Variants in SEPTIN3 observed in about 807,000 individuals in gnomAD.
The protein encoded by SEPTIN3 is neuronal-specific septin-3.
SEPTIN3 carries 15 observed loss-of-function variants against 45.1 expected under a neutral mutation model. That is an observed-to-expected ratio of 0.33 (90% CI 0.22 to 0.51). SEPTIN3 has a LOEUF of 0.51. SEPTIN3 is among the 20% of genes least tolerant of loss of function. The pLI, the probability that SEPTIN3 is intolerant of heterozygous loss-of-function variation, is 0.97. For missense variants in SEPTIN3, 289 were observed against 457.2 expected (o/e 0.63, Z 3.35); for synonymous variants, 148 against 164.8 (o/e 0.90, Z 0.78).
At chr22:41,982,683 G>A (rs1041226925) in intron 3 of SEPTIN3, among the ~76,000 whole-genome samples, 4 of 152,134 alleles carry the variant, frequency 2.6e-5, no homozygotes, top group African/African-American at 7.2e-5. Context: ...GAGGACAGGA[G>A]TTTGAGACTA....
At chr22:41,981,614 C>T (rs767738131) in intron 2 of SEPTIN3, 31 bp from the exon 3 acceptor site, 37 of 1,580,576 alleles carry the variant, frequency 2.3e-5, no homozygotes, top group Middle Eastern at 4.0e-4. Flanking sequence ...TCCTGATCAC[C>T]CCTCCGACCC....
Position 41,995,990 on chromosome 22 carries a change from C to T in SEPTIN3, c.2506-912C>T, listed in dbSNP as rs187070399. ...TTTTTGACCACACCTCCGTTTTCTC[C>T]GTCAGACTTCTCTCCCTTCTAAGCA... On this transcript the variant is annotated intron_variant, in intron 11 of 11. Transcript: ENST00000644076. The T allele has an allele frequency of 1.0e-3, 1,005 of 985,142 alleles. 6 individuals are homozygous for T. In the Middle Eastern group the frequency reaches 0.017, roughly 17 times the overall value. The allele number at this position is 985,142 out of a possible 1,614,324, so 61.0% of individuals were successfully genotyped here.
chr22:41,973,101 A>C, intron 2 of SEPTIN3, 105 bp downstream of exon 2: 1 of 397,412 alleles, frequency 2.5e-6, no homozygotes, highest in Non-Finnish European at 4.4e-6. Context: ...CGGAGGAAGG[A>C]CTCTAAGGTC....
At position 41,972,625 on chromosome 22, in the gene SEPTIN3, G is replaced by A. The variant is rs1033900497; in HGVS notation, c.1133G>A (p.Gly378Asp). The change falls in exon 2 of 12, where the codon GGT becomes GAT. Residue 378 changes from glycine to aspartate, a missense_variant. This residue lies in a region of SEPTIN3 where 200 missense variants were observed against 315.1 expected (regional missense o/e 0.63). Transcript: ENST00000644076. ...STAKPDMTTEGIAMDSATSDP... is the reference protein window; with the variant it reads ...STAKPDMTTEDIAMDSATSDP... The stretch of plus-strand genomic sequence containing the variant: ...GCCAAACCAGATATGACCACAGAGG[G>A]TATAGCCATGGATTCAGCAACATCA... 5.0e-6 allele frequency: 2 copies of A among 399,018 alleles called. No homozygotes were observed. The highest frequency in any genetic ancestry group is 3.6e-5 in the East Asian group (1 of 28,090). 24.7% of individuals were successfully genotyped at this position (399,018 alleles called of 1,614,324 possible).
chr22:41,995,669 C>T, intron 11 of SEPTIN3: 4 of 985,386 alleles, frequency 4.1e-6, no homozygotes, highest in Non-Finnish European at 4.8e-6. Flanking sequence ...CATAAAATCA[C>T]AAAACTACAG....
At chr22:41,996,326 G>A in intron 11 of SEPTIN3, 1 of 985,402 alleles carries the variant, frequency 1.0e-6, no homozygotes, top group Non-Finnish European at 1.2e-6. Flanking sequence ...TTTAGCCTTA[G>A]GGAAGGGAAA....
intron 2 of SEPTIN3, among the ~76,000 whole-genome samples, chr22:41,977,790 G>A (rs2146677095): frequency 6.6e-6 from 1 of 152,272 alleles, no homozygotes; most frequent in Non-Finnish European, 1.5e-5. Flanking sequence ...GGGGTCCCTG[G>A]GCCAGACAAA....
At chr22:41,991,754 C>G (rs1237340446) in intron 8 of SEPTIN3, 86 bp downstream of exon 8, 1 of 963,288 alleles carries the variant, frequency 1.0e-6, no homozygotes, top group Non-Finnish European at 1.7e-6. Flanking sequence ...TCTGTCTTTT[C>G]CCTTTCTGTA....
At position 41,997,202 on chromosome 22, in the gene SEPTIN3, G is replaced by C; in HGVS notation, c.*235G>C. 3 of 707,038 alleles carry C rather than the reference G, an allele frequency of 4.2e-6. No individual in the cohort carries two copies. The highest frequency in any genetic ancestry group is 6.7e-6 in the Non-Finnish European group (3 of 446,450). 43.8% of individuals were successfully genotyped at this position (707,038 alleles called of 1,614,324 possible). ...AGTACAGCCCTACTGCATCATCTGC[G>C]TCAGCCGGTCCTAGCCCATCTGCAG... On this transcript the variant is annotated 3_prime_UTR_variant, in exon 12 of 12. Transcript: ENST00000644076.
chr22:41,991,714 C>A, intron 8 of SEPTIN3, 46 bp downstream of exon 8: 2 of 1,246,470 alleles, frequency 1.6e-6, no homozygotes, highest in Non-Finnish European at 2.4e-6. Context: ...CCCTTGCGAC[C>A]TCTGGGATGT....
chr22:41,971,507 T>G lies in SEPTIN3; in HGVS notation c.15T>G (p.Phe5Leu), dbSNP rs1337637757. 2.5e-6 allele frequency: 1 copy of G among 399,086 alleles called. No individual in the cohort carries two copies. Among genetic ancestry groups the G allele is most frequent in the Admixed American group, 4.4e-5 (1 of 22,720 alleles). The allele number at this position is 399,086 out of a possible 1,614,324, so 24.7% of individuals were successfully genotyped here. ...AAACGACCTGGATGGACCACAACTT[T>G]GCTCCTGCTCCTCCAGAGATGCAGT... MDHN[F>L]APAPPEMQSH... is the part of the protein sequence containing the mutation. The change falls in exon 2 of 12, where the codon TTT becomes TTG. Residue 5 changes from phenylalanine to leucine, a missense_variant. By Grantham distance (22) the Phe-to-Leu change is conservative. Around this residue, in one of 3 missense-constraint regions of SEPTIN3, gnomAD observed 200 missense variants for 315.1 expected, o/e 0.63. Transcript: ENST00000644076.
At chr22:41,996,684 A>C in intron 11 of SEPTIN3, 1 of 1,419,062 alleles carries the variant, frequency 7.0e-7, no homozygotes, top group Non-Finnish European at 9.2e-7. Context: ...TTTCAACAGA[A>C]CAGGGATCCT....
intron 3 of SEPTIN3, among the ~76,000 whole-genome samples, chr22:41,985,448 G>A (rs12167435): frequency 2.0e-5 from 3 of 152,204 alleles, no homozygotes; most frequent in Admixed American, 2.0e-4. Context: ...GCATGTATTA[G>A]TTATGTTGCT....
rs1407782416 is a variant in SEPTIN3 at position 41,991,647 on chromosome 22, G to A, written c.2238G>A (p.Lys746=). 5.0e-6 allele frequency: 8 copies of A among 1,613,592 alleles called. No individual in the cohort carries two copies. The Admixed American group carries it at 1.2e-4, about 24-fold the overall frequency. ...QKEFDEDLED[K]TENDKIRQES... ...AATTTGATGAGGATTTGGAGGATAA[G>A]ACGGAGAATGACAAAATCAGGGTGG... The change falls in exon 8 of 12, where the codon AAG becomes AAA. Residue 746 remains lysine (K), a synonymous_variant. Transcript: ENST00000644076.
At position 41,992,351 on chromosome 22, in the gene SEPTIN3, C is replaced by G. The variant is rs2078332118; in HGVS notation, c.2260-313C>G. 2.0e-5 allele frequency among the ~76,000 whole-genome samples: 3 copies of G among 152,168 alleles called. No homozygotes were observed. The South Asian group carries it at 6.2e-4, about 32-fold the overall frequency. ...TTGAAATTGTGCCATTGCACTCCAG[C>G]CTGGGCAACAAGAGCGAACTCTGTC... On this transcript the variant is annotated intron_variant, in intron 8 of 11. Transcript: ENST00000644076.
In SEPTIN3 at chr22:41,989,700, GTCT is replaced by G. The variant is rs1451694961; in HGVS notation, c.2163+21_2163+23del. 6.6e-7 allele frequency: 1 copy of G among 1,517,928 alleles called. No homozygotes were observed. The highest frequency in any genetic ancestry group is 9.2e-7 in the Non-Finnish European group (1 of 1,092,710). The allele number at this position is 1,517,928 out of a possible 1,614,324, so 94.0% of individuals were successfully genotyped here. On this transcript the variant is annotated intron_variant, in intron 7 of 11. Transcript: ENST00000644076. ...CAAGCAAAGGGTGAGAAGGCCCCCT[GTCT>G]TCTTTTCCTGTTCCCATCCCCTCCT...
intron 5 of SEPTIN3, 118 bp downstream of exon 5, chr22:41,987,405 C>T (rs568318921): frequency 7.1e-6 from 8 of 1,124,008 alleles, no homozygotes; most frequent in Non-Finnish European, 1.0e-5. Context: ...TAGTTCCCGA[C>T]AGCCCAGGCC....
intron 2 of SEPTIN3, among the ~76,000 whole-genome samples, chr22:41,980,933 C>T (rs962428358): frequency 3.9e-5 from 6 of 152,168 alleles, no homozygotes; most frequent in Non-Finnish European, 7.3e-5. Context: ...GACACCCCTA[C>T]TCTGCAGTGG....
At position 41,989,464 on chromosome 22, in the gene SEPTIN3, C is replaced by A. The variant is rs1027021534; in HGVS notation, c.2046-103C>A. The A allele has an allele frequency of 2.4e-5, 19 of 776,336 alleles. No individual in the cohort carries two copies. In the Admixed American group the frequency reaches 3.5e-4, roughly 14 times the overall value. 48.1% of individuals were successfully genotyped at this position (776,336 alleles called of 1,614,324 possible). On this transcript the variant is annotated intron_variant, in intron 6 of 11. Transcript: ENST00000644076. ...GCAGCCTCTTGGCCTCAGCCAGATGCCCAGCCCAGTCCTCTTCTCCTGTGG... is the reference window on the plus strand; with the variant it reads ...GCAGCCTCTTGGCCTCAGCCAGATGACCAGCCCAGTCCTCTTCTCCTGTGG...
Sources: allele counts gnomAD v4.1 joint callset (sites outside exome capture counted in the v4.1 genomes callset), GRCh38; gene constraint gnomAD v4.1.1; regional missense constraint gnomAD v4.1.1; transcripts MANE v1.5; gene names NCBI Gene and HGNC (gene_info 2026-07-23, HGNC 2026-07-21).